Variants in ANKS1B observed in about 807,000 individuals in gnomAD.
The protein encoded by ANKS1B is ankyrin repeat and sterile alpha motif domain containing 1B.
ANKS1B carries 36 observed loss-of-function variants against 148.3 expected under a neutral mutation model. The ratio of observed to expected loss-of-function variants is 0.24; its 90% CI spans 0.19 to 0.32. The LOEUF (loss-of-function observed/expected upper bound fraction) is 0.32, where lower values mean the gene tolerates loss of function less well. Among genes scored for constraint, ANKS1B ranks in the 10% least tolerant of loss-of-function variants. The probability of loss-of-function intolerance (pLI) is 1.00; values close to 1 mark genes in which losing one functional copy is unlikely to be tolerated. For missense variants in ANKS1B, 1,157 were observed against 1,542.6 expected, an observed-to-expected ratio of 0.75 and a Z score of 4.19; for synonymous variants, 542 against 560.8, an observed-to-expected ratio of 0.97 and a Z score of 0.47.
At chr12:99,215,174 C>T (rs1194377367) in intron 14 of ANKS1B, among the ~76,000 whole-genome samples, 2 of 152,172 alleles carry the variant, frequency 1.3e-5, no homozygotes, top group Admixed American at 6.5e-5. Flanking sequence ...TTGTGGCTTA[C>T]ATGTGGTGTT....
intron 9 of ANKS1B, among the ~76,000 whole-genome samples, chr12:99,624,541 A>C (rs1419804221): frequency 6.6e-6 from 1 of 152,136 alleles, no homozygotes; most frequent in African/African-American, 2.4e-5. Context: ...AAGGAACTTA[A>C]ATCAACAAGC....
chr12:99,424,765 C>T (rs980082492), intron 11 of ANKS1B, among the ~76,000 whole-genome samples: 5 of 151,770 alleles, frequency 3.3e-5, no homozygotes, highest in African/African-American at 1.2e-4. Context: ...AGAAGGACTC[C>T]ATACTTCCAT....
At chr12:99,125,333 T>C (rs1417788269) in intron 15 of ANKS1B, among the ~76,000 whole-genome samples, 1 of 152,200 alleles carries the variant, frequency 6.6e-6, no homozygotes, top group Non-Finnish European at 1.5e-5. Context: ...GTTCCCATTA[T>C]CAAAGAAGTC....
At chr12:99,634,285 A>G (rs1044293135) in intron 9 of ANKS1B, among the ~76,000 whole-genome samples, 19 of 152,072 alleles carry the variant, frequency 1.2e-4, no homozygotes, top group African/African-American at 4.3e-4. Flanking sequence ...TGGTGGCTTT[A>G]TAAGAAGAGG....
intron 6 of ANKS1B, among the ~76,000 whole-genome samples, chr12:99,778,381 G>C (rs1348904231): frequency 6.6e-6 from 1 of 151,930 alleles, no homozygotes; most frequent in Non-Finnish European, 1.5e-5. Context: ...GGCGGCAAGT[G>C]CCTATAATCC....
At chr12:98,906,789 G>T (rs185274881) in intron 17 of ANKS1B, among the ~76,000 whole-genome samples, 2 of 152,272 alleles carry the variant, frequency 1.3e-5, no homozygotes, top group Non-Finnish European at 2.9e-5. Context: ...GCATTATATA[G>T]CATTAAATGT....
intron 22 of ANKS1B, among the ~76,000 whole-genome samples, chr12:98,790,603 G>T (rs2098839836): frequency 6.6e-6 from 1 of 152,166 alleles, no homozygotes; most frequent in Admixed American, 6.5e-5. Context: ...GATTACAGGT[G>T]TGAGCCACCT....
At chr12:99,027,331 A>G (rs1243705487) in intron 17 of ANKS1B, among the ~76,000 whole-genome samples, 1 of 152,212 alleles carries the variant, frequency 6.6e-6, no homozygotes, top group Non-Finnish European at 1.5e-5. Context: ...AGTAAAAAAC[A>G]TCTTGACCAG....
At chr12:99,474,780 C>G (rs1019571503) in intron 10 of ANKS1B, among the ~76,000 whole-genome samples, 1 of 151,942 alleles carries the variant, frequency 6.6e-6, no homozygotes, top group African/African-American at 2.4e-5. Flanking sequence ...GAAACAGAAA[C>G]CAGACTCAAA....
intron 6 of ANKS1B, 129 bp downstream of exon 6, chr12:99,779,742 C>T: frequency 3.0e-6 from 2 of 659,354 alleles, no homozygotes; most frequent in East Asian, 2.8e-5. Flanking sequence ...TAAAAGTCTA[C>T]CAGAAAAAAA....
chr12:99,353,419 T>C (rs2091653466), intron 12 of ANKS1B, among the ~76,000 whole-genome samples: 1 of 152,056 alleles, frequency 6.6e-6, no homozygotes, highest in African/African-American at 2.4e-5. Flanking sequence ...TACTGGTTTC[T>C]CATGTCACTT....
At chr12:99,363,957 A>C (rs2092627512) in intron 12 of ANKS1B, among the ~76,000 whole-genome samples, 1 of 152,092 alleles carries the variant, frequency 6.6e-6, no homozygotes, top group Non-Finnish European at 1.5e-5. Flanking sequence ...AAAACTAGGC[A>C]TGTTTCCAAA....
At chr12:99,054,951 A>G (rs1349681440) in intron 16 of ANKS1B, among the ~76,000 whole-genome samples, 1 of 152,234 alleles carries the variant, frequency 6.6e-6, no homozygotes, top group Admixed American at 6.5e-5. Context: ...GACCCATTTT[A>G]GCTACTCATT....
At chr12:99,595,855 G>A (rs1051563698) in intron 9 of ANKS1B, among the ~76,000 whole-genome samples, 22 of 151,710 alleles carry the variant, frequency 1.5e-4, no homozygotes, top group African/African-American at 5.1e-4. Context: ...TTATTCCTGG[G>A]GAATTTTCTC....
chr12:99,931,399 A>G (rs1486355524), intron 1 of ANKS1B, among the ~76,000 whole-genome samples: 1 of 152,226 alleles, frequency 6.6e-6, no homozygotes, highest in African/African-American at 2.4e-5. Flanking sequence ...CAGAAAGGGT[A>G]CACATGCTGA....
In ANKS1B at chr12:99,792,329, C is replaced by T. The variant is rs148559074; in HGVS notation, c.670-10232G>A. On this transcript the variant is annotated intron_variant, in intron 4 of 26. Coordinates refer to ENST00000683438, the MANE Select transcript of ANKS1B (RefSeq NM_001352186.2). ...CTACCAAACATTTAAAAAACTAATA[C>T]CAATCCTATTCAAACTGTTCTGAAA... 1.3e-3 allele frequency among the ~76,000 whole-genome samples: 190 copies of T among 151,892 alleles called. 4 individuals are homozygous for T. Among genetic ancestry groups the T allele is most frequent in the Middle Eastern group, 3.4e-3 (1 of 294 alleles).
chr12:99,099,187 G>A (rs2153669260), intron 15 of ANKS1B, among the ~76,000 whole-genome samples: 1 of 152,294 alleles, frequency 6.6e-6, no homozygotes, highest in Non-Finnish European at 1.5e-5. Flanking sequence ...GGCACCTTGG[G>A]GCCGAGCATG....
chr12:99,498,088 TC>T (rs1803724485), intron 10 of ANKS1B, among the ~76,000 whole-genome samples: 1 of 152,202 alleles, frequency 6.6e-6, no homozygotes, highest in Non-Finnish European at 1.5e-5. Flanking sequence ...CAGCTTTGTT[TC>T]CCCTTGCCTT....
chr12:99,964,085 T>C (rs984009821), intron 1 of ANKS1B, among the ~76,000 whole-genome samples: 2 of 152,164 alleles, frequency 1.3e-5, no homozygotes, highest in Admixed American at 1.3e-4. Flanking sequence ...TTTCTGTCTC[T>C]CATTCTGGAG....
Sources: allele counts gnomAD v4.1 joint callset (sites outside exome capture counted in the v4.1 genomes callset), GRCh38; gene constraint gnomAD v4.1.1; transcripts MANE v1.5; gene names NCBI Gene and HGNC (gene_info 2026-07-23, HGNC 2026-07-21).